CDC42BPA: variants seen among roughly 807,000 people sequenced by gnomAD.
The protein encoded by CDC42BPA is CDC42 binding protein kinase alpha, also known as serine/threonine-protein kinase MRCK alpha.
Under a neutral mutation model 223.5 loss-of-function variants are expected in CDC42BPA, and 80 were observed. That is an observed-to-expected ratio of 0.36 (90% CI 0.30 to 0.43). CDC42BPA has a LOEUF of 0.43. Among genes scored for constraint, CDC42BPA ranks in the 20% least tolerant of loss-of-function variants. The probability of loss-of-function intolerance (pLI) is 1.00; values close to 1 mark genes in which losing one functional copy is unlikely to be tolerated. For missense variants in CDC42BPA, 1,743 were observed against 2,099.9 expected (o/e 0.83, Z 3.32); for synonymous variants, 694 against 718.6 (o/e 0.97, Z 0.55).
At chr1:227,249,895 AG>A (rs35519315) in intron 2 of CDC42BPA, among the ~76,000 whole-genome samples, 17,511 of 152,204 alleles carry the variant, frequency 0.12, 1,220 homozygotes, top group South Asian at 0.18. Context: ...GTAGCACAAG[AG>A]GGGGACTGTA....
intron 16 of CDC42BPA, among the ~76,000 whole-genome samples, chr1:227,082,700 A>G (rs1183426600): frequency 1.5e-5 from 2 of 133,124 alleles, no homozygotes; most frequent in Non-Finnish European, 1.6e-5. Flanking sequence ...GGGTGACAGA[A>G]TGAGACTCTG....
Position 226,992,009 on chromosome 1 carries a change from AGG to A in CDC42BPA, c.*2257_*2258del, listed in dbSNP as rs1660802582. 1.8e-3 allele frequency: 1 copy of A among 564 alleles called. No homozygotes were observed. Among genetic ancestry groups the A allele is most frequent in the African/African-American group, 0.01 (1 of 100 alleles). The allele number at this position is 564 out of a possible 1,614,324, so 0.0% of individuals were successfully genotyped here. ...GGAAGAGTGAGGAGGAGAGGAGGGG[AGG>A]GTGGGGAGAGTGAGGAGGGTGGGGA... On this transcript the variant is annotated 3_prime_UTR_variant, in exon 37 of 37. Transcript: ENST00000366766.
At chr1:227,216,775 C>T (rs2150398576) in intron 2 of CDC42BPA, among the ~76,000 whole-genome samples, 1 of 152,236 alleles carries the variant, frequency 6.6e-6, no homozygotes, top group Non-Finnish European at 1.5e-5. Flanking sequence ...ATTAAAAGTA[C>T]ATTTAGTATG....
intron 15 of CDC42BPA, among the ~76,000 whole-genome samples, chr1:227,096,323 C>A (rs186192885): frequency 2.0e-5 from 3 of 152,256 alleles, no homozygotes; most frequent in African/African-American, 4.8e-5. Flanking sequence ...TAAAACCATT[C>A]TTTTTCCTGT....
chr1:227,081,061 A>G, intron 16 of CDC42BPA, 44 bp from the exon 17 acceptor site: 10 of 1,604,470 alleles, frequency 6.2e-6, no homozygotes, highest in Non-Finnish European at 7.7e-6. Flanking sequence ...AGGACCAAGA[A>G]TTCGAGGTGT....
intron 2 of CDC42BPA, among the ~76,000 whole-genome samples, chr1:227,214,116 T>C (rs1674418152): frequency 6.6e-6 from 1 of 151,830 alleles, no homozygotes; most frequent in Non-Finnish European, 1.5e-5. Context: ...GCTACTCTAA[T>C]ATGCAGAAAG....
chr1:226,992,712 C>CA lies in CDC42BPA; in HGVS notation c.*1555dup. 6.6e-6 allele frequency: 1 copy of CA among 152,258 alleles called. No individual in the cohort carries two copies. Among genetic ancestry groups the CA allele is most frequent in the East Asian group, 1.9e-4 (1 of 5,198 alleles). 9.4% of individuals were successfully genotyped at this position (152,258 alleles called of 1,614,324 possible). ...ACTTAGGTGAAAAGTAAAAGAGAGG[C>CA]AAAATCTCTTTCCTTCATGAGATAC... On this transcript the variant is annotated 3_prime_UTR_variant, in exon 37 of 37. Transcript: ENST00000366766.
chr1:227,227,105 G>T (rs1214568039), intron 2 of CDC42BPA, among the ~76,000 whole-genome samples: 1 of 151,926 alleles, frequency 6.6e-6, no homozygotes, highest in African/African-American at 2.4e-5. Context: ...AAACAAAAAG[G>T]AAACTACTAG....
In CDC42BPA at chr1:226,994,739, G is replaced by A; in HGVS notation, c.5133+84C>T. On this transcript the variant is annotated intron_variant, in intron 36 of 36. Coordinates refer to ENST00000366766, the MANE Select transcript of CDC42BPA (RefSeq NM_001394014.1). The surrounding 1 kb of genome is among the most constrained non-coding windows in gnomAD (Gnocchi z 4.0). ...TGACCCCGAACCCTGCTGCAGCTGAGGCCAATCCCAAGGTGGTGGGATTGC... is the reference window on the plus strand; with the variant it reads ...TGACCCCGAACCCTGCTGCAGCTGAAGCCAATCCCAAGGTGGTGGGATTGC... The A allele has an allele frequency of 2.9e-6, 4 of 1,381,700 alleles. No homozygotes were observed. The highest frequency in any genetic ancestry group is 3.9e-6 in the Non-Finnish European group (4 of 1,014,656). The allele number at this position is 1,381,700 out of a possible 1,614,324, so 85.6% of individuals were successfully genotyped here.
intron 8 of CDC42BPA, among the ~76,000 whole-genome samples, chr1:227,144,867 C>A (rs894111801): frequency 2.2e-4 from 34 of 152,176 alleles, no homozygotes; most frequent in Non-Finnish European, 4.9e-4. Context: ...TGATTTCCTA[C>A]CAAGTTTGCT....
At chr1:227,272,417 G>A (rs1686108535) in intron 1 of CDC42BPA, among the ~76,000 whole-genome samples, 1 of 152,022 alleles carries the variant, frequency 6.6e-6, no homozygotes, top group Non-Finnish European at 1.5e-5. Flanking sequence ...GTTTTATTAT[G>A]TACTGAAGTT....
chr1:227,290,446 T>C (rs989513373), intron 1 of CDC42BPA, among the ~76,000 whole-genome samples: 1 of 152,206 alleles, frequency 6.6e-6, no homozygotes, highest in Non-Finnish European at 1.5e-5. Flanking sequence ...TACTGTACAT[T>C]TAAAAAATTT....
chr1:227,050,903 A>C (rs1184351131), intron 22 of CDC42BPA, among the ~76,000 whole-genome samples: 4 of 152,210 alleles, frequency 2.6e-5, no homozygotes, highest in Admixed American at 1.3e-4. Flanking sequence ...AAAAACAAGC[A>C]AAATTTTCGT....
Position 226,994,946 on chromosome 1 carries a change from C to T in CDC42BPA, c.5010G>A (p.Arg1670=). 2 of 1,614,134 alleles carry T rather than the reference C, an allele frequency of 1.2e-6. No homozygotes were observed. The highest frequency in any genetic ancestry group is 8.5e-7 in the Non-Finnish European group (1 of 1,180,010). The change falls in exon 36 of 37, where the codon AGG becomes AGA. Residue 1670 remains arginine (R), a synonymous_variant. Transcript: ENST00000366766. This position sits in a 1 kb window ranked among gnomAD's most constrained non-coding sequence, Gnocchi z 4.0. The part of the protein sequence containing the change: ...SSAQNGSALK[R]EFSGGSYSAK... ...CACTGTAGCTTCCTCCAGAGAATTCCCTCTTTAATGCGCTGCCATTCTGTG... is the reference window on the plus strand; with the variant it reads ...CACTGTAGCTTCCTCCAGAGAATTCTCTCTTTAATGCGCTGCCATTCTGTG...
At chr1:227,076,658 C>A (rs1039644529) in intron 17 of CDC42BPA, among the ~76,000 whole-genome samples, 1 of 152,172 alleles carries the variant, frequency 6.6e-6, no homozygotes, top group Admixed American at 6.5e-5. Context: ...GGTGTCTTAT[C>A]TTTTATTTGG....
intron 15 of CDC42BPA, among the ~76,000 whole-genome samples, chr1:227,095,116 C>T (rs1243636429): frequency 6.6e-6 from 1 of 152,216 alleles, no homozygotes; most frequent in Non-Finnish European, 1.5e-5. Flanking sequence ...TACTTATAGC[C>T]TGATGCTTCC....
At chr1:227,245,329 G>A (rs6660168) in intron 2 of CDC42BPA, among the ~76,000 whole-genome samples, 15,762 of 132,348 alleles carry the variant, frequency 0.12, 1,102 homozygotes, top group South Asian at 0.19. Context: ...TCACTTTGTC[G>A]CCTGGGCTGG....
chr1:227,086,347 A>G (rs1027288565), intron 16 of CDC42BPA, among the ~76,000 whole-genome samples: 1 of 152,144 alleles, frequency 6.6e-6, no homozygotes, highest in Non-Finnish European at 1.5e-5. Context: ...TAAATAGGAG[A>G]ATTGCCAGGT....
At chr1:227,070,677 AAAT>A (rs780281574) in intron 20 of CDC42BPA, among the ~76,000 whole-genome samples, 23 of 151,838 alleles carry the variant, frequency 1.5e-4, no homozygotes, top group Non-Finnish European at 2.4e-4. Flanking sequence ...AGACTTGGGG[AAAT>A]AATAGTAAAT....
Sources: allele counts gnomAD v4.1 joint callset (sites outside exome capture counted in the v4.1 genomes callset), GRCh38; gene constraint gnomAD v4.1.1; non-coding constraint Gnocchi (gnomAD v3.1); transcripts MANE v1.5; gene names NCBI Gene and HGNC (gene_info 2026-07-23, HGNC 2026-07-21).